BSN: variants seen among roughly 807,000 people sequenced by gnomAD.
BSN encodes the protein bassoon presynaptic cytomatrix protein.
Under a neutral mutation model 264.8 loss-of-function variants are expected in BSN, and 57 were observed. The ratio of observed to expected loss-of-function variants is 0.22; its 90% CI spans 0.17 to 0.27. BSN has a LOEUF of 0.27. BSN is among the 10% of genes least tolerant of loss of function. The pLI is 1.00. For missense variants in BSN, 4,615 were observed against 5,232.5 expected, an observed-to-expected ratio of 0.88 and a Z score of 3.64; for synonymous variants, 2,059 against 2,137.3, an observed-to-expected ratio of 0.96 and a Z score of 1.01.
chr3:49,572,054 ACAGT>A (rs1315614233), intron 1 of BSN, among the ~76,000 whole-genome samples: 1 of 152,156 alleles, frequency 6.6e-6, no homozygotes, highest in Non-Finnish European at 1.5e-5. Flanking sequence ...CGGAAACACA[ACAGT>A]CAGCAGGTTG....
chr3:49,575,444 ATG>A (rs929025312), intron 1 of BSN, among the ~76,000 whole-genome samples: 6 of 147,804 alleles, frequency 4.1e-5, no homozygotes, highest in Non-Finnish European at 8.9e-5. Flanking sequence ...GTAAATATAT[ATG>A]TGTGTATATA....
At position 49,656,488 on chromosome 3, in the gene BSN, T is replaced by C. The variant is rs763027967; in HGVS notation, c.6932T>C (p.Leu2311Pro). ...GTAGGGGCTGCACGGGAAGAGCCTC[T>C]TCCCACAACCACCCCTGCTGCCATC... ...MPVGAAREEP[L>P]PTTTPAAIKE... Residue 2311 changes from leucine (L) to proline (P), a missense_variant, in exon 5 of 12, where the codon CTT becomes CCT. By Grantham distance (98) the Leu-to-Pro change is moderately conservative (BLOSUM62 -3). This residue lies in a region of BSN where 3,415 missense variants were observed against 3,866.4 expected (regional missense o/e 0.88). Coordinates refer to ENST00000296452, the MANE Select transcript of BSN (RefSeq NM_003458.4). The C allele has an allele frequency of 4.4e-6, 7 of 1,595,412 alleles. No individual in the cohort carries two copies. The South Asian group carries it at 6.7e-5, about 15-fold the overall frequency.
intron 1 of BSN, among the ~76,000 whole-genome samples, chr3:49,596,137 G>T (rs1305469248): frequency 6.6e-6 from 1 of 152,166 alleles, no homozygotes; most frequent in African/African-American, 2.4e-5. Context: ...GGATGTGGTG[G>T]CTCATGCCTG....
intron 1 of BSN, among the ~76,000 whole-genome samples, chr3:49,590,654 G>A (rs1422274034): frequency 1.3e-5 from 2 of 151,644 alleles, no homozygotes; most frequent in African/African-American, 2.4e-5. Flanking sequence ...ATACAGCTAC[G>A]TTACTTCCCC....
At position 49,625,270 on chromosome 3, in the gene BSN, A is replaced by G. The variant is rs369949120; in HGVS notation, c.520A>G (p.Lys174Glu). ...CAGCAGCACGCTGTGTCCCATATGCAAGACTTCGGACCTCACGTCGACCCC... is the reference window on the plus strand; with the variant it reads ...CAGCAGCACGCTGTGTCCCATATGCGAGACTTCGGACCTCACGTCGACCCC... ...LPSSTLCPIC[K>E]TSDLTSTPSQ... The change falls in exon 2 of 12, where the codon AAG (lysine) becomes GAG (glutamate). Residue 174 changes from lysine to glutamate, a missense_variant. Transcript: ENST00000296452. This position sits in a 1 kb window ranked among gnomAD's most constrained non-coding sequence, Gnocchi z 4.4. The G allele has an allele frequency of 6.2e-7, 1 of 1,603,398 alleles. No homozygotes were observed. Among genetic ancestry groups the G allele is most frequent in the African/African-American group, 1.3e-5 (1 of 74,504 alleles).
chr3:49,659,817 A>G (rs2052638600), intron 5 of BSN, among the ~76,000 whole-genome samples: 1 of 152,170 alleles, frequency 6.6e-6, no homozygotes, highest in Admixed American at 6.5e-5. Flanking sequence ...ACCGAGGGAC[A>G]TGGAGGGAGC....
At chr3:49,596,892 G>A (rs1055828434) in intron 1 of BSN, among the ~76,000 whole-genome samples, 2 of 152,014 alleles carry the variant, frequency 1.3e-5, no homozygotes, top group Non-Finnish European at 2.9e-5. Context: ...CTTTTTCTGT[G>A]TCAGTTGATA....
intron 1 of BSN, among the ~76,000 whole-genome samples, chr3:49,596,320 C>T (rs183629902): frequency 2.7e-4 from 41 of 152,220 alleles, no homozygotes; most frequent in African/African-American, 8.2e-4. Flanking sequence ...AGGAGAATGG[C>T]GTGAACCTAG....
chr3:49,613,345 A>AGAGAGAGAGAGAGAGAGAGG (rs1454216567), intron 1 of BSN, among the ~76,000 whole-genome samples: 1 of 149,798 alleles, frequency 6.7e-6, no homozygotes, highest in Non-Finnish European at 1.5e-5. Flanking sequence ...AGAGAGAGAG[A>AGAGAGAGAGAGAGAGAGAGG]GAGAAGGGCT....
intron 3 of BSN, among the ~76,000 whole-genome samples, chr3:49,643,705 T>C (rs1452971677): frequency 6.6e-6 from 1 of 152,204 alleles, no homozygotes; most frequent in African/African-American, 2.4e-5. Flanking sequence ...TGACGTCTAC[T>C]TGTCAAAGTC....
chr3:49,573,657 GTTT>G (rs965564780), intron 1 of BSN, among the ~76,000 whole-genome samples: 1 of 141,860 alleles, frequency 7.0e-6, no homozygotes. Flanking sequence ...TTTCTCTCTG[GTTT>G]TTTTTTTTTT....
rs1216890406 is a variant in BSN, at chr3:49,660,252, C to T, written c.8641-234C>T. On this transcript the variant is annotated intron_variant, in intron 5 of 11. Coordinates refer to ENST00000296452, the MANE Select transcript of BSN (RefSeq NM_003458.4). This position sits in a 1 kb window ranked among gnomAD's most constrained non-coding sequence, Gnocchi z 7.1. ...AATCTGCCCGTACCCTCCTGCTTCCCAAAGCTCTGGGAAAGAGAAGGGCTG... is the reference window on the plus strand; with the variant it reads ...AATCTGCCCGTACCCTCCTGCTTCCTAAAGCTCTGGGAAAGAGAAGGGCTG... Among the ~76,000 whole-genome samples, 2 of 152,144 alleles carry T rather than the reference C, an allele frequency of 1.3e-5. No individual in the cohort carries two copies. Among genetic ancestry groups the T allele is most frequent in the Non-Finnish European group, 2.9e-5 (2 of 68,018 alleles).
Position 49,662,261 on chromosome 3 carries a change from T to G in BSN, c.10416T>G (p.Ala3472=), listed in dbSNP as rs767096198. 2 of 1,613,862 alleles carry G rather than the reference T, an allele frequency of 1.2e-6. No individual in the cohort carries two copies. Among genetic ancestry groups the G allele is most frequent in the Non-Finnish European group, 1.7e-6 (2 of 1,179,924 alleles). The change falls in exon 6 of 12, where the codon GCT becomes GCG. Residue 3472 remains alanine, a synonymous_variant. Coordinates refer to ENST00000296452, the MANE Select transcript of BSN (RefSeq NM_003458.4). ...WGKGYERERE[A]VERLQKAGPK... ...AGGGGTACGAAAGGGAACGGGAGGC[T>G]GTGGAGCGACTTCAAAAAGCGGGCC...
At chr3:49,576,715 C>G (rs2051847599) in intron 1 of BSN, among the ~76,000 whole-genome samples, 1 of 152,236 alleles carries the variant, frequency 6.6e-6, no homozygotes, top group African/African-American at 2.4e-5. Flanking sequence ...AGCCACTGAG[C>G]ATGGCCTCAC....
intron 1 of BSN, among the ~76,000 whole-genome samples, chr3:49,598,719 C>T (rs1464596100): frequency 6.6e-6 from 1 of 152,148 alleles, no homozygotes; most frequent in African/African-American, 2.4e-5. Flanking sequence ...CACCATTACA[C>T]TTAATGGTGA....
intron 1 of BSN, among the ~76,000 whole-genome samples, chr3:49,595,481 G>T (rs189944909): frequency 6.6e-6 from 1 of 151,438 alleles, no homozygotes; most frequent in Non-Finnish European, 1.5e-5. Flanking sequence ...GAGCCACTGC[G>T]CCCGGCCTCA....
chr3:49,651,516 C>G lies in BSN; in HGVS notation c.1987-27C>G. The G allele has an allele frequency of 6.5e-7, 1 of 1,533,048 alleles. No individual in the cohort carries two copies. Among genetic ancestry groups the G allele is most frequent in the Non-Finnish European group, 8.8e-7 (1 of 1,139,192 alleles). The allele number at this position is 1,533,048 out of a possible 1,614,324, so 95.0% of individuals were successfully genotyped here. ...CACCACGAGCTTTGCCATGGGGAGT[C>G]AGTGTCTGCTTTTCACCCTGCTGCA... On this transcript the variant is annotated intron_variant, in intron 4 of 11. Coordinates refer to ENST00000296452, the MANE Select transcript of BSN (RefSeq NM_003458.4). The surrounding 1 kb of genome is among the most constrained non-coding windows in gnomAD (Gnocchi z 5.4).
At chr3:49,596,381 G>A (rs2052022927) in intron 1 of BSN, among the ~76,000 whole-genome samples, 1 of 152,226 alleles carries the variant, frequency 6.6e-6, no homozygotes, top group African/African-American at 2.4e-5. Context: ...TCCAGCCTGG[G>A]TGACAGAGCG....
chr3:49,605,540 T>TTATATATAATATATATTATATATA, intron 1 of BSN, among the ~76,000 whole-genome samples: 1 of 3,090 alleles, frequency 3.2e-4, no homozygotes, highest in Admixed American at 6.6e-3. Flanking sequence ...TAATATATAT[T>TTATATATAATATATATTATATATA]ATATATATTT....
Sources: gnomAD v4.1 joint callset for allele counts (sites outside exome capture counted in the v4.1 genomes callset) on GRCh38, gnomAD v4.1.1 for gene constraint, gnomAD v4.1.1 regional missense constraint, Gnocchi (gnomAD v3.1) non-coding constraint, MANE v1.5 for transcripts, NCBI Gene and HGNC (gene_info 2026-07-23, HGNC 2026-07-21) for gene names.